NDRG4: variants seen among roughly 807,000 people sequenced by gnomAD.
NDRG4 encodes the protein NDRG family member 4.
NDRG4 carries 38 observed loss-of-function variants against 55.8 expected under a neutral mutation model. The observed-to-expected ratio is 0.68, with a 90% CI of 0.53 to 0.89. The LOEUF is 0.89. Ranked by LOEUF, NDRG4 falls within the 40% of genes least tolerant of loss-of-function variation. NDRG4 has a pLI of 0.00. For synonymous variants in NDRG4, 190 were observed against 182.7 expected (o/e 1.04, Z -0.32); for missense variants, 455 against 468.6 (o/e 0.97, Z 0.27).
At chr16:58,496,515 C>G (rs527390311), upstream of NDRG4, among the ~76,000 whole-genome samples, 1 of 151,980 alleles carries the variant, frequency 6.6e-6, no homozygotes, top group African/African-American at 2.4e-5. Flanking sequence ...CTATGGCAGG[C>G]GTTGTCACTG....
exon 3 of NDRG4, chr16:58,494,987 G>C (rs760210995): frequency 1.2e-6 from 2 of 1,613,674 alleles, no homozygotes; most frequent in Non-Finnish European, 1.7e-6. Context: ...CCTTCCTCTT[G>C]GCTGCAGACA....
chr16:58,475,121 AGTTT>A, intron 1 of NDRG4, among the ~76,000 whole-genome samples: 1 of 152,316 alleles, frequency 6.6e-6, no homozygotes, highest in East Asian at 1.9e-4. Flanking sequence ...TCATTGACTC[AGTTT>A]ACCTGTTTGA....
At chr16:58,500,069 A>G (rs1850982539), upstream of NDRG4, 3 of 1,473,408 alleles carry the variant, frequency 2.0e-6, no homozygotes, top group Admixed American at 6.8e-5. Flanking sequence ...CTGCTCAGAA[A>G]CCCTGCGGGG....
At position 58,478,509 on chromosome 16, in the gene NDRG4, C is replaced by CA. The variant is rs879576871; in HGVS notation, c.-23-9241dup. 4.0e-5 allele frequency among the ~76,000 whole-genome samples: 6 copies of CA among 151,536 alleles called. No homozygotes were observed. In the East Asian group the frequency reaches 5.8e-4, roughly 15 times the overall value. Reference sequence around the variant, plus strand: ...GGCATCCTGGGTTGGGTCCTAGACCCAAAAAAGGCATTATTAGGAAAGCTG... The same window carrying CA: ...GGCATCCTGGGTTGGGTCCTAGACCCAAAAAAAGGCATTATTAGGAAAGCTG... On this transcript the variant is annotated intron_variant, in intron 1 of 15. Transcript: ENST00000258187.
upstream of NDRG4, among the ~76,000 whole-genome samples, chr16:58,496,252 C>T (rs1183104310): frequency 2.6e-5 from 4 of 152,028 alleles, no homozygotes; most frequent in South Asian, 2.1e-4. Context: ...ACTGCTGCTG[C>T]GAAGCTGCCT....
At chr16:58,479,942 T>G (rs2034195462) in intron 1 of NDRG4, among the ~76,000 whole-genome samples, 2 of 152,192 alleles carry the variant, frequency 1.3e-5, no homozygotes, top group Admixed American at 1.3e-4. Context: ...TAGTATTTTC[T>G]TTCTCCTTAT....
intron 1 of NDRG4, among the ~76,000 whole-genome samples, chr16:58,474,244 T>C (rs1377250710): frequency 6.6e-6 from 1 of 152,094 alleles, no homozygotes; most frequent in Non-Finnish European, 1.5e-5. Context: ...GGTTTCACCA[T>C]GTTGGCCAGG....
intron 8 of NDRG4, chr16:58,507,340 G>T (rs1424617314): frequency 4.7e-6 from 2 of 425,480 alleles, no homozygotes; most frequent in Non-Finnish European, 8.5e-6. Flanking sequence ...TGAGGAAGAG[G>T]TCGGATGAGC....
At chr16:58,514,745 C>CAAAAAAA (rs67168725), downstream of NDRG4, among the ~76,000 whole-genome samples, 2 of 82,130 alleles carry the variant, frequency 2.4e-5, no homozygotes, top group Non-Finnish European at 4.6e-5. Context: ...CCCAACGCGC[C>CAAAAAAA]AAAAAAAAAA....
At chr16:58,497,638 T>G (rs1416896120), upstream of NDRG4, among the ~76,000 whole-genome samples, 3 of 152,048 alleles carry the variant, frequency 2.0e-5, no homozygotes, top group African/African-American at 7.2e-5. Flanking sequence ...CTCAGAGAGG[T>G]TGATTGACTT....
intron 1 of NDRG4, among the ~76,000 whole-genome samples, chr16:58,469,308 A>G (rs894154699): frequency 1.4e-5 from 2 of 144,754 alleles, no homozygotes; most frequent in African/African-American, 2.5e-5. Flanking sequence ...GGGCACGTAC[A>G]TGGTTTAGTA....
chr16:58,482,038 C>T (rs1209725918), intron 1 of NDRG4, among the ~76,000 whole-genome samples: 1 of 151,896 alleles, frequency 6.6e-6, no homozygotes. Context: ...CTGATCCAAG[C>T]AGTAGGGATA....
At chr16:58,465,256 G>C (rs943322499) in intron 1 of NDRG4, 22 of 536,704 alleles carry the variant, frequency 4.1e-5, no homozygotes, top group Admixed American at 7.0e-5. Context: ...TCCGACACCT[G>C]GGGGAGGGGG....
chr16:58,487,920 G>T (rs915902130), intron 2 of NDRG4: 34 of 1,223,436 alleles, frequency 2.8e-5, no homozygotes, highest in Non-Finnish European at 3.0e-5. Flanking sequence ...GGGAGACCGC[G>T]TGCCTTTCCT....
chr16:58,471,174 G>C (rs1174100987), intron 1 of NDRG4, among the ~76,000 whole-genome samples: 1 of 140,666 alleles, frequency 7.1e-6, no homozygotes, highest in Non-Finnish European at 1.5e-5. Flanking sequence ...ATAAGAGAAT[G>C]AATGTGTGTT....
At chr16:58,467,722 T>C (rs563790645) in intron 1 of NDRG4, among the ~76,000 whole-genome samples, 1 of 152,254 alleles carries the variant, frequency 6.6e-6, no homozygotes, top group South Asian at 2.1e-4. Flanking sequence ...CACACTTCAT[T>C]TTCCTCATCT....
chr16:58,480,930 A>C lies in NDRG4; in HGVS notation c.-23-6826A>C, dbSNP rs1567578054. Among the ~76,000 whole-genome samples, 5 of 152,056 alleles carry C rather than the reference A, an allele frequency of 3.3e-5. No individual in the cohort carries two copies. The South Asian group carries it at 1.0e-3, about 32-fold the overall frequency. On this transcript the variant is annotated intron_variant, in intron 1 of 15. Transcript: ENST00000258187. ...AGGCTGAGGCACAAGAATTACTTGA[A>C]CTCAGAAGGCGGAGGTTGCAATGAG...
downstream of NDRG4, chr16:58,515,376 AGAT>A (rs1399524540): frequency 4.9e-5 from 35 of 718,724 alleles, no homozygotes; most frequent in Non-Finnish European, 7.3e-5. Flanking sequence ...CCTGGACTCA[AGAT>A]GTTTTCATGA....
intron 1 of NDRG4, among the ~76,000 whole-genome samples, chr16:58,465,439 GTGGCATTA>G (rs2031410949): frequency 6.6e-6 from 1 of 152,070 alleles, no homozygotes. Context: ...GAAGAAGGAG[GTGGCATTA>G]TGGGTTCAGG....
Sources: gnomAD v4.1 joint callset for allele counts (sites outside exome capture counted in the v4.1 genomes callset) on GRCh38, gnomAD v4.1.1 for gene constraint, MANE v1.5 for transcripts, NCBI Gene and HGNC (gene_info 2026-07-23, HGNC 2026-07-21) for gene names.